The following HOOK3 variants were observed in gnomAD, a reference collection of about 807,000 sequenced individuals.
HOOK3 encodes the protein hook microtubule tethering protein 3.
A neutral mutation model predicts 116.3 loss-of-function variants in HOOK3; 24 were observed. The observed-to-expected ratio is 0.21, with a 90% confidence interval of 0.15 to 0.29. The LOEUF is 0.29. HOOK3 is among the 10% of genes least tolerant of loss of function. HOOK3 has a pLI of 1.00. For synonymous variants in HOOK3, 275 were observed against 283.0 expected (o/e 0.97, Z 0.28); for missense variants, 632 against 830.2 (o/e 0.76, Z 2.93).
intron 2 of HOOK3, 25 bp from the exon 3 acceptor site, chr8:42,925,532 A>G: frequency 6.7e-7 from 1 of 1,501,044 alleles, no homozygotes; most frequent in Admixed American, 1.9e-5. Context: ...TGATTTTAAT[A>G]TGTAAGCTTT....
intron 21 of HOOK3, 75 bp downstream of exon 21, chr8:43,013,475 A>G (rs1397638625): frequency 6.7e-6 from 8 of 1,194,294 alleles, no homozygotes; most frequent in South Asian, 3.6e-5. Context: ...CCTTTACTGT[A>G]GAAGTCACTC....
chr8:42,982,842 CA>C, intron 14 of HOOK3, 146 bp downstream of exon 14: 1 of 615,920 alleles, frequency 1.6e-6, no homozygotes, highest in Non-Finnish European at 2.8e-6. Context: ...ATGTTTTCAA[CA>C]TGTTAAAAGC....
rs1458001217 is a variant in HOOK3, at chr8:43,029,855, C to A, written c.*11357C>A. 1.9e-5 allele frequency: 4 copies of A among 213,676 alleles called. No individual in the cohort carries two copies. The South Asian group carries it at 5.6e-4, about 30-fold the overall frequency. 13.2% of individuals were successfully genotyped at this position (213,676 alleles called of 1,614,324 possible). ...AGCCCCAACTCTGAAGCCTTATATT[C>A]ATGTCTTAAGTACCATTGATTGTTC... On this transcript the variant is annotated 3_prime_UTR_variant, in exon 22 of 22. Transcript: ENST00000307602.
At chr8:42,900,401 T>G (rs1489026687) in intron 1 of HOOK3, among the ~76,000 whole-genome samples, 1 of 152,220 alleles carries the variant, frequency 6.6e-6, no homozygotes, top group African/African-American at 2.4e-5. Flanking sequence ...TGCTACCAAG[T>G]TATGACAAAA....
At chr8:42,960,188 G>A (rs988544249) in intron 8 of HOOK3, among the ~76,000 whole-genome samples, 2 of 152,090 alleles carry the variant, frequency 1.3e-5, no homozygotes, top group Non-Finnish European at 2.9e-5. Flanking sequence ...TACTGGATTG[G>A]CAAACTGTGG....
At chr8:43,008,084 T>C (rs1809527298) in intron 18 of HOOK3, among the ~76,000 whole-genome samples, 155 bp downstream of exon 18, 2 of 152,104 alleles carry the variant, frequency 1.3e-5, no homozygotes, top group East Asian at 1.9e-4. Context: ...AGTGGTGCGA[T>C]TTTGGCTCAC....
chr8:42,968,301 A>T, intron 11 of HOOK3, 87 bp downstream of exon 11: 1 of 915,204 alleles, frequency 1.1e-6, no homozygotes, highest in South Asian at 1.6e-5. Flanking sequence ...ATTTGTTTTC[A>T]TGGTATTCTG....
intron 15 of HOOK3, among the ~76,000 whole-genome samples, chr8:42,990,785 T>G (rs1422775047): frequency 6.6e-6 from 1 of 152,192 alleles, no homozygotes; most frequent in Non-Finnish European, 1.5e-5. Context: ...TCTCTCACTT[T>G]GTTGATTGTT....
intron 3 of HOOK3, among the ~76,000 whole-genome samples, chr8:42,928,902 T>C (rs1359019637): frequency 5.3e-5 from 8 of 151,786 alleles, no homozygotes; most frequent in Admixed American, 1.3e-4. Flanking sequence ...ATTAGCCAGG[T>C]GTGGTGGCAG....
chr8:42,939,070 AT>A lies in HOOK3; in HGVS notation c.268-4238del, dbSNP rs556185819. Among the ~76,000 whole-genome samples, 93 of 152,294 alleles carry A rather than the reference AT, an allele frequency of 6.1e-4. 1 individual carries two copies. In the South Asian group the frequency reaches 0.019, roughly 32 times the overall value. On this transcript the variant is annotated intron_variant, in intron 4 of 21. Transcript: ENST00000307602. Reference sequence around the variant, plus strand: ...ATCAACAGGATCCCAAGGCAGAAGAATTTTTCTTAGTACAGAACAAAATGAA... The same window carrying A: ...ATCAACAGGATCCCAAGGCAGAAGAATTTTCTTAGTACAGAACAAAATGAA...
intron 15 of HOOK3, among the ~76,000 whole-genome samples, chr8:42,993,268 ATATATATATTTT>A (rs1809201666): frequency 6.6e-6 from 1 of 151,916 alleles, no homozygotes; most frequent in South Asian, 2.1e-4. Context: ...GCCTATACTT[ATATATATATTTT>A]TAAGACAGGG....
rs993608689 is a variant in HOOK3 at position 43,030,304 on chromosome 8, G to T, written c.*11806G>T. On this transcript the variant is annotated 3_prime_UTR_variant, in exon 22 of 22. Coordinates refer to ENST00000307602, the MANE Select transcript of HOOK3 (RefSeq NM_032410.4). ...GGATTTTTAGTGTTTTTGAAATCTT[G>T]TATTTCCTTTTGATATCATTTACTC... 1.6e-5 allele frequency: 3 copies of T among 187,362 alleles called. No individual in the cohort carries two copies. The highest frequency in any genetic ancestry group is 3.4e-5 in the Non-Finnish European group (3 of 88,908). 11.6% of individuals were successfully genotyped at this position (187,362 alleles called of 1,614,324 possible).
rs1808505967 is a variant in HOOK3, at chr8:42,959,904, T to A, written c.615+590T>A. 2.0e-5 allele frequency among the ~76,000 whole-genome samples: 3 copies of A among 152,208 alleles called. 1 individual carries two copies. The Middle Eastern group carries it at 0.01, about 518-fold the overall frequency. On this transcript the variant is annotated intron_variant, in intron 8 of 21. Coordinates refer to ENST00000307602, the MANE Select transcript of HOOK3 (RefSeq NM_032410.4). Reference sequence around the variant, plus strand: ...ACTTGTTAAAACTGGGTTATGCATATGTAGAGTTCATAATACTTGGTAATA... The same window carrying A: ...ACTTGTTAAAACTGGGTTATGCATAAGTAGAGTTCATAATACTTGGTAATA...
intron 9 of HOOK3, among the ~76,000 whole-genome samples, chr8:42,965,536 C>T (rs1335898451): frequency 3.9e-5 from 6 of 152,058 alleles, no homozygotes; most frequent in African/African-American, 1.2e-4. Flanking sequence ...CAAGATAAGA[C>T]GGAAGCACAA....
chr8:42,929,495 T>C (rs1807833230), intron 3 of HOOK3, among the ~76,000 whole-genome samples: 1 of 152,124 alleles, frequency 6.6e-6, no homozygotes, highest in Non-Finnish European at 1.5e-5. Flanking sequence ...AACAAAACTG[T>C]ATGAGTTGGG....
intron 6 of HOOK3, among the ~76,000 whole-genome samples, chr8:42,955,118 C>G (rs1808410085): frequency 6.6e-6 from 1 of 152,184 alleles, no homozygotes; most frequent in African/African-American, 2.4e-5. Flanking sequence ...CTTTTACCCT[C>G]TCAATACAGT....
chr8:43,003,170 A>G (rs1448006894), intron 17 of HOOK3, among the ~76,000 whole-genome samples: 1 of 152,216 alleles, frequency 6.6e-6, no homozygotes, highest in Non-Finnish European at 1.5e-5. Flanking sequence ...ACACTGTGCT[A>G]AACCAGACAT....
Position 42,964,393 on chromosome 8 carries a change from T to C in HOOK3, c.698T>C (p.Ile233Thr). 6.2e-7 allele frequency: 1 copy of C among 1,614,148 alleles called. No homozygotes were observed. The highest frequency in any genetic ancestry group is 8.5e-7 in the Non-Finnish European group (1 of 1,179,980). ...GAAAGACTCAATCAATCTGATTCTA[T>C]AGAAGACCCTAACAGTCCAGCAGGA... ...LMERLNQSDS[I>T]EDPNSPAGRR... is the part of the protein sequence containing the mutation. Residue 233 changes from isoleucine (I) to threonine (T), a missense_variant, in exon 9 of 22, where the codon ATA becomes ACA. Coordinates refer to ENST00000307602, the MANE Select transcript of HOOK3 (RefSeq NM_032410.4).
chr8:43,001,213 CAT>C (rs1269693614), intron 16 of HOOK3: 2 of 151,460 alleles, frequency 1.3e-5, no homozygotes, highest in Admixed American at 6.6e-5. Flanking sequence ...CTATAGTTAA[CAT>C]ATTGAGGAAA....
Sources: gnomAD v4.1 joint callset for allele counts (sites outside exome capture counted in the v4.1 genomes callset) on GRCh38, gnomAD v4.1.1 for gene constraint, MANE v1.5 for transcripts, NCBI Gene and HGNC (gene_info 2026-07-23, HGNC 2026-07-21) for gene names.